Variants in EIF4G3 observed in about 807,000 individuals in gnomAD.
The protein encoded by EIF4G3 is eukaryotic translation initiation factor 4 gamma 3, also known as eIF-4-gamma 3.
EIF4G3 carries 34 observed loss-of-function variants against 186.4 expected under a neutral mutation model. The ratio of observed to expected loss-of-function variants is 0.18; its 90% CI spans 0.14 to 0.24. The LOEUF is 0.24. Among genes scored for constraint, EIF4G3 ranks in the 10% least tolerant of loss-of-function variants. The pLI is 1.00. For synonymous variants in EIF4G3, 673 were observed against 679.5 expected (o/e 0.99, Z 0.15); for missense variants, 1,536 against 1,948.5 (o/e 0.79, Z 3.99).
rs140999793 is a variant in EIF4G3 at position 21,145,499 on chromosome 1, C to G, written c.-272+30676G>C. Among the ~76,000 whole-genome samples the G allele has an allele frequency of 3.0e-4, 46 of 151,808 alleles. No homozygotes were observed. The East Asian group carries it at 8.1e-3, about 27-fold the overall frequency. ...CAGGCTGGTCTCAAACACGTAGCCT[C>G]AAAGGATACTCCCACTCAGGCCCCT... On this transcript the variant is annotated intron_variant, in intron 2 of 36. Coordinates refer to ENST00000602326, the MANE Select transcript of EIF4G3 (RefSeq NM_001391906.1).
intron 2 of EIF4G3, chr1:21,111,229 T>A: frequency 2.2e-6 from 1 of 453,900 alleles, no homozygotes; most frequent in Admixed American, 2.5e-5. Context: ...TGCACATTCC[T>A]GAGTACTAAC....
intron 29 of EIF4G3, among the ~76,000 whole-genome samples, chr1:20,846,831 C>A (rs2071234482): frequency 6.6e-6 from 1 of 152,180 alleles, no homozygotes; most frequent in Non-Finnish European, 1.5e-5. Context: ...AACTTAATCT[C>A]TTGGGCTTAA....
chr1:20,843,561 T>TAA (rs956249470), intron 29 of EIF4G3, among the ~76,000 whole-genome samples: 1 of 152,132 alleles, frequency 6.6e-6, no homozygotes, highest in African/African-American at 2.4e-5. Context: ...CCTCAGTATT[T>TAA]AAATGGAAGT....
intron 18 of EIF4G3, among the ~76,000 whole-genome samples, chr1:20,888,186 C>T (rs2084827193): frequency 6.6e-6 from 1 of 152,088 alleles, no homozygotes; most frequent in Non-Finnish European, 1.5e-5. Context: ...TTATTCCACA[C>T]CTCTTTACCT....
chr1:20,984,467 A>AT, intron 7 of EIF4G3, among the ~76,000 whole-genome samples: 1 of 151,908 alleles, frequency 6.6e-6, no homozygotes, highest in East Asian at 1.9e-4. Context: ...CGCTTGGCCA[A>AT]TATACTAATT....
In EIF4G3 at chr1:20,817,556, G is replaced by A. The variant is rs760463735; in HGVS notation, c.4369-18C>T. 8.5e-6 allele frequency: 13 copies of A among 1,526,648 alleles called. No individual in the cohort carries two copies. In the South Asian group the frequency reaches 1.5e-4, roughly 18 times the overall value. The allele number at this position is 1,526,648 out of a possible 1,614,324, so 94.6% of individuals were successfully genotyped here. On this transcript the variant is annotated intron_variant, in intron 33 of 36. Transcript: ENST00000602326. ...TCCAACTTCTGAAACATAAAAGGTG[G>A]AACATATTAATATATTAATATAATT...
chr1:21,051,825 C>G (rs561111984), intron 3 of EIF4G3, among the ~76,000 whole-genome samples: 1 of 152,276 alleles, frequency 6.6e-6, no homozygotes, highest in African/African-American at 2.4e-5. Context: ...GATCACACCA[C>G]TGTACTACAA....
chr1:20,951,461 T>TA (rs1203095563), intron 12 of EIF4G3, among the ~76,000 whole-genome samples: 1 of 151,972 alleles, frequency 6.6e-6, no homozygotes, highest in African/African-American at 2.4e-5. Context: ...CGGGGACAAA[T>TA]AAAGAAAATA....
intron 26 of EIF4G3, among the ~76,000 whole-genome samples, chr1:20,854,577 C>CT (rs1553222359): frequency 1.3e-5 from 2 of 149,996 alleles, no homozygotes; most frequent in Non-Finnish European, 1.5e-5. Flanking sequence ...TGATGGCGTG[C>CT]ACCTGTAGTC....
chr1:20,851,385 G>A lies in EIF4G3; in HGVS notation c.3645C>T (p.Asp1215=). Residue 1215 remains aspartate, a synonymous_variant, in exon 28 of 37, where the codon GAC becomes GAT. Transcript: ENST00000602326. ...CTTCTTGAGACTGATTGTCTAGCAG[G>A]TCTTTACTGCTGCCACCCCTCATGA... ...NTFMRGGSSK[D]LLDNQSQEEQ... 1 of 1,614,086 alleles carries A rather than the reference G, an allele frequency of 6.2e-7. No homozygotes were observed. Among genetic ancestry groups the A allele is most frequent in the Middle Eastern group, 1.6e-4 (1 of 6,062 alleles).
At chr1:21,134,574 C>G (rs957662758) in intron 2 of EIF4G3, among the ~76,000 whole-genome samples, 4 of 152,172 alleles carry the variant, frequency 2.6e-5, no homozygotes, top group Non-Finnish European at 5.9e-5. Context: ...GGCGCTGATT[C>G]ATGAGAATCA....
chr1:21,012,189 T>C (rs1263732239), intron 4 of EIF4G3, among the ~76,000 whole-genome samples: 1 of 152,182 alleles, frequency 6.6e-6, no homozygotes, highest in Non-Finnish European at 1.5e-5. Flanking sequence ...AAATCCAACA[T>C]TCTCATTCCT....
chr1:20,855,097 A>G (rs1402815215), intron 25 of EIF4G3, 26 bp from the exon 26 acceptor site: 1 of 1,499,388 alleles, frequency 6.7e-7, no homozygotes, highest in Non-Finnish European at 9.2e-7. Context: ...CCACAAGTCA[A>G]TTATAGGAAA....
chr1:20,976,379 A>C (rs1012767438), intron 10 of EIF4G3, among the ~76,000 whole-genome samples: 1 of 151,244 alleles, frequency 6.6e-6, no homozygotes, highest in African/African-American at 2.4e-5. Flanking sequence ...AACAACTTAA[A>C]ATTTGTATAA....
chr1:21,151,630 CA>C (rs1299513022), intron 2 of EIF4G3, among the ~76,000 whole-genome samples: 2 of 151,880 alleles, frequency 1.3e-5, no homozygotes, highest in Non-Finnish European at 2.9e-5. Context: ...AAGGTTTACT[CA>C]TGTCATGAAA....
rs370557478 is a variant in EIF4G3 at position 21,010,739 on chromosome 1, A to G, written c.-66-7931T>C. Among the ~76,000 whole-genome samples the G allele has an allele frequency of 4.6e-5, 7 of 152,248 alleles. 1 individual carries two copies. Among genetic ancestry groups the G allele is most frequent in the Admixed American group, 2.6e-4 (4 of 15,280 alleles). On this transcript the variant is annotated intron_variant, in intron 4 of 36. Transcript: ENST00000602326. ...TTTGCTTTTATGAGTTCTATATTTT[A>G]TATCACTCTAAACTTCTGCAACTCT...
intron 4 of EIF4G3, among the ~76,000 whole-genome samples, chr1:21,009,654 G>A (rs2086380972): frequency 6.7e-6 from 1 of 150,174 alleles, no homozygotes; most frequent in Non-Finnish European, 1.5e-5. Context: ...TTTTTGGGGG[G>A]TGCTGGGGGG....
intron 29 of EIF4G3, 83 bp downstream of exon 29, chr1:20,849,324 TCACAATGA>T: frequency 3.2e-6 from 2 of 627,582 alleles, no homozygotes; most frequent in South Asian, 5.6e-5. Context: ...TCTTATCAGT[TCACAATGA>T]CACCTGATTT....
At chr1:20,808,239 A>G (rs1557705944) in intron 36 of EIF4G3, among the ~76,000 whole-genome samples, 1 of 152,076 alleles carries the variant, frequency 6.6e-6, no homozygotes, top group Non-Finnish European at 1.5e-5. Context: ...GTTTATCTCA[A>G]TCTAAACCCT....
Sources: allele counts gnomAD v4.1 joint callset (sites outside exome capture counted in the v4.1 genomes callset), GRCh38; gene constraint gnomAD v4.1.1; transcripts MANE v1.5; gene names NCBI Gene and HGNC (gene_info 2026-07-23, HGNC 2026-07-21).